Variants in DNAH11 observed in about 807,000 individuals in gnomAD.
DNAH11 encodes dynein axonemal heavy chain 11, also known as axonemal beta dynein heavy chain 11.
In DNAH11, 442 loss-of-function variants were observed where a neutral mutation model predicts 526.0. That is an observed-to-expected ratio of 0.84 (90% CI 0.78 to 0.91). DNAH11 has a LOEUF of 0.91. Among genes scored for constraint, DNAH11 ranks in the 40% least tolerant of loss-of-function variants. The pLI is 0.00. For missense variants in DNAH11, 6,989 were observed against 5,448.7 expected, an observed-to-expected ratio of 1.28 and a Z score of -8.90; for synonymous variants, 2,461 against 1,935.9, an observed-to-expected ratio of 1.27 and a Z score of -7.12.
At position 21,873,457 on chromosome 7, in the gene DNAH11, G is replaced by C. The variant is rs1783576301; in HGVS notation, c.12151G>C (p.Gly4051Arg). 1.2e-6 allele frequency: 2 copies of C among 1,613,938 alleles called. No homozygotes were observed. Among genetic ancestry groups the C allele is most frequent in the Non-Finnish European group, 1.7e-6 (2 of 1,179,878 alleles). ...TAAGATCACTAATGAACCCCCAACA[G>C]GGATGCTGGCCAATTTGCATGCCGC... is the stretch of plus-strand genomic sequence containing the variant. ...SIKITNEPPT[G>R]MLANLHAALY... Residue 4051 changes from glycine (G) to arginine (R), a missense_variant, in exon 74 of 82, where the codon GGG becomes CGG. By Grantham distance (125) the Gly-to-Arg change is moderately radical (BLOSUM62 -2). Coordinates refer to ENST00000409508, the MANE Select transcript of DNAH11 (RefSeq NM_001277115.2).
At chr7:21,795,964 G>A (rs115336770) in intron 61 of DNAH11, among the ~76,000 whole-genome samples, 8 of 135,468 alleles carry the variant, frequency 5.9e-5, no homozygotes, top group Non-Finnish European at 1.3e-4. Flanking sequence ...AGAGGGTCAC[G>A]TGTCCTGTGG....
chr7:21,647,277 A>G (rs1284430533), intron 28 of DNAH11, among the ~76,000 whole-genome samples: 1 of 152,132 alleles, frequency 6.6e-6, no homozygotes, highest in Non-Finnish European at 1.5e-5. Context: ...AACTACACCA[A>G]ATTGCTCAGA....
chr7:21,816,430 C>G (rs746066334), intron 63 of DNAH11, 37 bp from the exon 64 acceptor site: 2 of 1,507,368 alleles, frequency 1.3e-6, no homozygotes, highest in African/African-American at 1.4e-5. Flanking sequence ...CTCTCTGCCA[C>G]ATGACCAATT....
intron 20 of DNAH11, 77 bp downstream of exon 20, chr7:21,606,810 C>G: frequency 1.6e-6 from 2 of 1,228,964 alleles, no homozygotes; most frequent in Non-Finnish European, 2.3e-6. Flanking sequence ...CAAAATACTG[C>G]CACATTTTGT....
chr7:21,545,252 A>C, intron 2 of DNAH11, 103 bp downstream of exon 2: 2 of 521,256 alleles, frequency 3.8e-6, no homozygotes, highest in Non-Finnish European at 5.9e-6. Flanking sequence ...CTAGGAGGGG[A>C]AGGGAAGGGG....
chr7:21,576,521 G>A (rs1198817878), intron 8 of DNAH11, among the ~76,000 whole-genome samples: 3 of 152,116 alleles, frequency 2.0e-5, no homozygotes, highest in Non-Finnish European at 4.4e-5. Flanking sequence ...TCCTTTCTAG[G>A]GCTTAAGCCA....
chr7:21,796,422 CTG>C (rs1174135118), intron 61 of DNAH11, among the ~76,000 whole-genome samples: 1 of 151,998 alleles, frequency 6.6e-6, no homozygotes, highest in African/African-American at 2.4e-5. Flanking sequence ...GGGGAAGAGA[CTG>C]GAAGCAGAAT....
At chr7:21,573,679 C>T (rs546479512) in intron 8 of DNAH11, among the ~76,000 whole-genome samples, 1 of 152,192 alleles carries the variant, frequency 6.6e-6, no homozygotes, top group Non-Finnish European at 1.5e-5. Flanking sequence ...CAAATGACTT[C>T]CAACCTAGTG....
At chr7:21,623,918 A>G (rs1786202989) in intron 25 of DNAH11, among the ~76,000 whole-genome samples, 2 of 151,982 alleles carry the variant, frequency 1.3e-5, no homozygotes, top group African/African-American at 4.8e-5. Context: ...ATACATATGT[A>G]ACTAACCTGC....
chr7:21,754,259 G>T (rs1786531652), intron 54 of DNAH11, among the ~76,000 whole-genome samples: 1 of 152,112 alleles, frequency 6.6e-6, no homozygotes, highest in African/African-American at 2.4e-5. Flanking sequence ...TATGTATCTT[G>T]TCAAAGAAGT....
intron 55 of DNAH11, among the ~76,000 whole-genome samples, chr7:21,770,169 C>T (rs1366340136): frequency 6.6e-6 from 1 of 152,130 alleles, no homozygotes; most frequent in East Asian, 1.9e-4. Flanking sequence ...GTATCCCTTA[C>T]CCAAAATACT....
At chr7:21,646,303 C>T (rs954014797) in intron 28 of DNAH11, among the ~76,000 whole-genome samples, 3 of 152,106 alleles carry the variant, frequency 2.0e-5, no homozygotes, top group Admixed American at 6.5e-5. Context: ...AAAATTTCAA[C>T]AAAATATATG....
intron 26 of DNAH11, among the ~76,000 whole-genome samples, chr7:21,636,775 C>T (rs1211600880): frequency 6.6e-6 from 1 of 152,006 alleles, no homozygotes; most frequent in Non-Finnish European, 1.5e-5. Context: ...GCTGCTAGGT[C>T]GTGCAAAAAC....
chr7:21,792,469 A>G (rs1013041941), intron 61 of DNAH11, among the ~76,000 whole-genome samples: 3 of 152,236 alleles, frequency 2.0e-5, no homozygotes, highest in African/African-American at 7.2e-5. Context: ...AAGTTTGAGT[A>G]GAATTGGTAT....
intron 63 of DNAH11, among the ~76,000 whole-genome samples, chr7:21,812,309 G>T (rs1406696739): frequency 6.6e-6 from 1 of 152,010 alleles, no homozygotes; most frequent in Non-Finnish European, 1.5e-5. Flanking sequence ...TCATGATTTG[G>T]GTTGACTTGC....
At chr7:21,755,685 T>C (rs1786599608) in intron 54 of DNAH11, among the ~76,000 whole-genome samples, 1 of 152,174 alleles carries the variant, frequency 6.6e-6, no homozygotes, top group Non-Finnish European at 1.5e-5. Context: ...ACATGAAGTA[T>C]ATATTCAGAA....
At chr7:21,822,240 G>A (rs1165466796) in intron 65 of DNAH11, among the ~76,000 whole-genome samples, 2 of 152,074 alleles carry the variant, frequency 1.3e-5, no homozygotes, top group African/African-American at 4.8e-5. Flanking sequence ...ATCTGCTTCT[G>A]GTGAAGCCTC....
chr7:21,821,343 T>C (rs775168961), intron 65 of DNAH11, among the ~76,000 whole-genome samples: 6 of 152,108 alleles, frequency 3.9e-5, no homozygotes, highest in African/African-American at 7.2e-5. Context: ...ACCACGTAGA[T>C]TGGGGAATAT....
At position 21,591,522 on chromosome 7, in the gene DNAH11, C is replaced by A; in HGVS notation, c.2612C>A (p.Thr871Lys). ...FTLEDKGDLFTKKYKLIQGDG... is the reference protein window; with the variant it reads ...FTLEDKGDLFKKKYKLIQGDG... ...TTGGAGGACAAGGGTGATTTGTTTACAAAAAAATACAAGTTAATCCAAGGA... is the reference window on the plus strand; with the variant it reads ...TTGGAGGACAAGGGTGATTTGTTTAAAAAAAAATACAAGTTAATCCAAGGA... Residue 871 changes from threonine (T) to lysine (K), a missense_variant, in exon 14 of 82, where the codon ACA becomes AAA. Thr to Lys is a moderately conservative substitution (Grantham distance 78, BLOSUM62 -1). Transcript: ENST00000409508. 6.3e-7 allele frequency: 1 copy of A among 1,592,250 alleles called. No homozygotes were observed. The highest frequency in any genetic ancestry group is 1.1e-5 in the South Asian group (1 of 88,698).
Sources: allele counts gnomAD v4.1 joint callset (sites outside exome capture counted in the v4.1 genomes callset), GRCh38; gene constraint gnomAD v4.1.1; transcripts MANE v1.5; gene names NCBI Gene and HGNC (gene_info 2026-07-23, HGNC 2026-07-21).